OR6N1: variants seen among roughly 807,000 people sequenced by gnomAD.
OR6N1 encodes the protein olfactory receptor 6N1.
For missense variants in OR6N1, 394 were observed against 371.7 expected, an observed-to-expected ratio of 1.06 and a Z score of -0.49; for synonymous variants, 170 against 150.7, an observed-to-expected ratio of 1.13 and a Z score of -0.94.
At chr1:158,834,645 ATTG>A in the OR6N1 span, among the ~76,000 whole-genome samples, 19 of 152,120 alleles carry the variant, frequency 1.2e-4, no homozygotes, top group East Asian at 2.7e-3. Context: ...TATCTATTTT[ATTG>A]TTGTTGTTGT....
the OR6N1 span, among the ~76,000 whole-genome samples, chr1:158,839,268 A>T: frequency 1.3e-5 from 2 of 152,142 alleles, no homozygotes; most frequent in Non-Finnish European, 2.9e-5. Flanking sequence ...ACGTTCTCTG[A>T]GGCCTATATG....
chr1:158,789,709 T>C, the OR6N1 span, among the ~76,000 whole-genome samples: 1 of 152,222 alleles, frequency 6.6e-6, no homozygotes, highest in South Asian at 2.1e-4. Context: ...ATGGAGTTAT[T>C]TGAGTTCCAG....
the OR6N1 span, among the ~76,000 whole-genome samples, chr1:158,836,868 C>T: frequency 6.6e-6 from 1 of 151,720 alleles, no homozygotes; most frequent in African/African-American, 2.4e-5. Context: ...TTACCCTCAT[C>T]ACCATATTCT....
chr1:158,819,470 G>GTT, the OR6N1 span, among the ~76,000 whole-genome samples: 1 of 151,932 alleles, frequency 6.6e-6, no homozygotes, highest in Non-Finnish European at 1.5e-5. Context: ...ACATTTTAAA[G>GTT]TTTTTTTTGA....
At chr1:158,801,807 G>C in the OR6N1 span, among the ~76,000 whole-genome samples, 1 of 151,976 alleles carries the variant, frequency 6.6e-6, no homozygotes, top group Non-Finnish European at 1.5e-5. Flanking sequence ...GTCCTTATCT[G>C]GGAAAGATCA....
At position 158,764,900 on chromosome 1, in the gene OR6N1, A is replaced by G. The variant is rs1163005364; in HGVS notation, c.*844T>C. On this transcript the variant is annotated 3_prime_UTR_variant, in exon 2 of 2. Transcript: ENST00000641846. ...TGTCAGAACAGAACTGTGACAAACT[A>G]TACTTTTCAAGTATAGTATACTTGT... 4 of 152,014 alleles carry G rather than the reference A, an allele frequency of 2.6e-5. No individual in the cohort carries two copies. Among genetic ancestry groups the G allele is most frequent in the Non-Finnish European group, 4.4e-5 (3 of 67,956 alleles). The allele number at this position is 152,014 out of a possible 1,614,324, so 9.4% of individuals were successfully genotyped here.
At chr1:158,827,899 G>A in the OR6N1 span, among the ~76,000 whole-genome samples, 1 of 152,124 alleles carries the variant, frequency 6.6e-6, no homozygotes, top group Non-Finnish European at 1.5e-5. Context: ...ATTCCACATG[G>A]CTGGGGTGGC....
At chr1:158,810,571 A>T in the OR6N1 span, among the ~76,000 whole-genome samples, 1 of 152,144 alleles carries the variant, frequency 6.6e-6, no homozygotes, top group South Asian at 2.1e-4. Flanking sequence ...CTCGCTGTGG[A>T]CTTTACAGTT....
At chr1:158,777,537 C>A in the OR6N1 span, 2 of 1,614,006 alleles carry the variant, frequency 1.2e-6, no homozygotes, top group East Asian at 2.2e-5. Flanking sequence ...ACAGGTATGC[C>A]AATAGCAGCA....
chr1:158,824,304 T>G, the OR6N1 span, among the ~76,000 whole-genome samples: 2 of 152,176 alleles, frequency 1.3e-5, no homozygotes, highest in Non-Finnish European at 2.9e-5. Flanking sequence ...GACTTGCTCC[T>G]CCTAGCCTTC....
chr1:158,779,172 T>A, the OR6N1 span, among the ~76,000 whole-genome samples: 1 of 152,200 alleles, frequency 6.6e-6, no homozygotes, highest in Non-Finnish European at 1.5e-5. Flanking sequence ...TTGGACATTC[T>A]AATTATTCTT....
chr1:158,826,121 T>C, the OR6N1 span, among the ~76,000 whole-genome samples: 1 of 150,628 alleles, frequency 6.6e-6, no homozygotes, highest in Non-Finnish European at 1.5e-5. Context: ...TACTTGAGGG[T>C]GAAGGTTGGG....
the OR6N1 span, among the ~76,000 whole-genome samples, chr1:158,839,947 A>T: frequency 6.6e-6 from 1 of 152,224 alleles, no homozygotes; most frequent in Non-Finnish European, 1.5e-5. Flanking sequence ...ACATTCAAAT[A>T]ACATTTTGAC....
the OR6N1 span, among the ~76,000 whole-genome samples, chr1:158,782,566 A>G: frequency 6.6e-6 from 1 of 152,172 alleles, no homozygotes; most frequent in South Asian, 2.1e-4. Flanking sequence ...TTATTATAGG[A>G]TGTGGGCTCA....
At chr1:158,803,002 A>G in the OR6N1 span, among the ~76,000 whole-genome samples, 7 of 152,220 alleles carry the variant, frequency 4.6e-5, no homozygotes, top group Admixed American at 3.9e-4. Flanking sequence ...GCATTTATCT[A>G]TCAGAAGTAA....
At position 158,766,593 on chromosome 1, in the gene OR6N1, C is replaced by T; in HGVS notation, c.90G>A (p.Leu30=). ...LQGVQIYLFL[L]LLLIYLMTVL... ...CAGTCATGAGGTAAATGAGAAGCAACAAGAGGAAGAGATAAATCTGGACAC... is the reference window on the plus strand; with the variant it reads ...CAGTCATGAGGTAAATGAGAAGCAATAAGAGGAAGAGATAAATCTGGACAC... Residue 30 remains leucine, a synonymous_variant, in exon 2 of 2, where the codon TTG becomes TTA. Coordinates refer to ENST00000641846, the MANE Select transcript of OR6N1 (RefSeq NM_001005185.2). The T allele has an allele frequency of 6.2e-7, 1 of 1,613,968 alleles. No homozygotes were observed. Among genetic ancestry groups the T allele is most frequent in the South Asian group, 1.1e-5 (1 of 91,062 alleles).
At chr1:158,779,314 C>T in the OR6N1 span, among the ~76,000 whole-genome samples, 9 of 123,664 alleles carry the variant, frequency 7.3e-5, no homozygotes, top group Admixed American at 1.6e-4. Flanking sequence ...TGAAGAGAAC[C>T]GCCCAATTCT....
chr1:158,790,394 T>A, the OR6N1 span, among the ~76,000 whole-genome samples: 2 of 146,950 alleles, frequency 1.4e-5, no homozygotes, highest in African/African-American at 5.3e-5. Flanking sequence ...GGTATTTTGA[T>A]AGGGAATTTT....
upstream of OR6N1, among the ~76,000 whole-genome samples, chr1:158,773,809 CTATGTGTGTG>C (rs2102012146): frequency 6.6e-6 from 1 of 152,128 alleles, no homozygotes; most frequent in African/African-American, 2.4e-5. Flanking sequence ...TAATTTATGT[CTATGTGTGTG>C]TATGTGTGTG....
Sources: gnomAD v4.1 joint callset for allele counts (sites outside exome capture counted in the v4.1 genomes callset) on GRCh38, gnomAD v4.1.1 for gene constraint, MANE v1.5 for transcripts, NCBI Gene and HGNC (gene_info 2026-07-23, HGNC 2026-07-21) for gene names.